FAM135B: variants seen among roughly 807,000 people sequenced by gnomAD.
FAM135B encodes the protein protein FAM135B.
Under a neutral mutation model 127.7 loss-of-function variants are expected in FAM135B, and 43 were observed. The observed-to-expected ratio is 0.34, with a 90% CI of 0.26 to 0.43. FAM135B has a LOEUF of 0.43. Among genes scored for constraint, FAM135B ranks in the 20% least tolerant of loss-of-function variants. The probability of loss-of-function intolerance (pLI) is 1.00; values close to 1 mark genes in which losing one functional copy is unlikely to be tolerated. For synonymous variants in FAM135B, 670 were observed against 665.1 expected (o/e 1.01, Z -0.11); for missense variants, 1,558 against 1,725.6 (o/e 0.90, Z 1.72).
chr8:138,264,304 G>A (rs914779801), intron 4 of FAM135B, among the ~76,000 whole-genome samples: 1 of 152,204 alleles, frequency 6.6e-6, no homozygotes, highest in Non-Finnish European at 1.5e-5. Flanking sequence ...GGTGAAGGTT[G>A]TGTTGAAGGT....
At chr8:138,351,456 A>T (rs1005851957) in intron 2 of FAM135B, among the ~76,000 whole-genome samples, 6 of 152,200 alleles carry the variant, frequency 3.9e-5, no homozygotes, top group Non-Finnish European at 8.8e-5. Flanking sequence ...GCCAAGGCAC[A>T]TCAGAGATTA....
rs1286608279 is a variant in FAM135B at position 138,488,015 on chromosome 8, A to C, written c.-20+8656T>G. 3.9e-5 allele frequency among the ~76,000 whole-genome samples: 6 copies of C among 151,928 alleles called. No homozygotes were observed. The East Asian group carries it at 5.8e-4, about 15-fold the overall frequency. On this transcript the variant is annotated intron_variant, in intron 1 of 19. Coordinates refer to ENST00000395297, the MANE Select transcript of FAM135B (RefSeq NM_015912.4). ...TGAGACTCTCTCTCAAAAAAAACAAAAAAAAAAGACGCCTGTCAGTGTCAT... is the reference window on the plus strand; with the variant it reads ...TGAGACTCTCTCTCAAAAAAAACAACAAAAAAAGACGCCTGTCAGTGTCAT...
intron 2 of FAM135B, among the ~76,000 whole-genome samples, chr8:138,353,800 A>C (rs1169349562): frequency 3.3e-5 from 5 of 151,996 alleles, no homozygotes; most frequent in African/African-American, 7.2e-5. Flanking sequence ...AGTGTTGTAT[A>C]GTCACTGAGT....
intron 15 of FAM135B, 36 bp from the exon 16 acceptor site, chr8:138,143,145 T>A (rs1817355744): frequency 8.1e-7 from 1 of 1,235,800 alleles, no homozygotes; most frequent in African/African-American, 1.5e-5. Context: ...TTGGGTATGG[T>A]TGTGGCGGGG....
intron 9 of FAM135B, among the ~76,000 whole-genome samples, chr8:138,188,764 C>T (rs187114319): frequency 2.0e-5 from 3 of 152,246 alleles, no homozygotes; most frequent in East Asian, 3.9e-4. Flanking sequence ...TTCCATCTAC[C>T]GCCTTTGTGC....
chr8:138,368,117 TC>T, intron 1 of FAM135B, 115 bp from the exon 2 acceptor site: 1 of 690,732 alleles, frequency 1.4e-6, no homozygotes, highest in Non-Finnish European at 2.5e-6. Flanking sequence ...GTAGCGTGTG[TC>T]CACTGAACGT....
chr8:138,214,563 A>T (rs1818401172), intron 7 of FAM135B, among the ~76,000 whole-genome samples: 1 of 152,202 alleles, frequency 6.6e-6, no homozygotes, highest in Non-Finnish European at 1.5e-5. Context: ...TTGCAGCACA[A>T]ATAAAGATGT....
intron 3 of FAM135B, among the ~76,000 whole-genome samples, chr8:138,282,437 T>C (rs74802546): frequency 0.012 from 1,784 of 152,282 alleles, 39 homozygotes; most frequent in African/African-American, 0.04. Flanking sequence ...TATTTGATAA[T>C]GGAATGTTAT....
intron 1 of FAM135B, among the ~76,000 whole-genome samples, chr8:138,372,409 T>A (rs1831191692): frequency 6.6e-6 from 1 of 152,192 alleles, no homozygotes; most frequent in African/African-American, 2.4e-5. Flanking sequence ...CTGAAGCCTA[T>A]GTCTAGAGAT....
chr8:138,173,654 G>A (rs1192590662), intron 11 of FAM135B, among the ~76,000 whole-genome samples: 1 of 152,142 alleles, frequency 6.6e-6, no homozygotes, highest in Non-Finnish European at 1.5e-5. Flanking sequence ...ATTGGCACCA[G>A]GTAAAATGCC....
chr8:138,489,252 C>T (rs1815111737), intron 1 of FAM135B, among the ~76,000 whole-genome samples: 1 of 152,198 alleles, frequency 6.6e-6, no homozygotes, highest in South Asian at 2.1e-4. Flanking sequence ...TCCCCTGTGT[C>T]CCCAGGCCAG....
intron 7 of FAM135B, among the ~76,000 whole-genome samples, chr8:138,230,007 C>A (rs921485792): frequency 6.6e-6 from 1 of 152,146 alleles, no homozygotes; most frequent in African/African-American, 2.4e-5. Context: ...AACCATAGAA[C>A]CTTCCAAAGG....
At chr8:138,467,060 C>T (rs1837417004) in intron 1 of FAM135B, among the ~76,000 whole-genome samples, 1 of 152,156 alleles carries the variant, frequency 6.6e-6, no homozygotes, top group Admixed American at 6.5e-5. Context: ...CTCAAAAAAA[C>T]AAACTCCGAA....
intron 12 of FAM135B, among the ~76,000 whole-genome samples, chr8:138,164,061 G>A (rs1344111893): frequency 1.3e-5 from 2 of 152,174 alleles, no homozygotes; most frequent in Non-Finnish European, 2.9e-5. Flanking sequence ...TAGAAGAATG[G>A]AATATAATTG....
At chr8:138,140,607 C>T (rs892465156) in intron 17 of FAM135B, among the ~76,000 whole-genome samples, 10 of 151,882 alleles carry the variant, frequency 6.6e-5, no homozygotes, top group Admixed American at 1.3e-4. Context: ...TGTTAGTCAA[C>T]CTTATTTCCT....
At chr8:138,206,177 AGG>A (rs1270009711) in intron 7 of FAM135B, among the ~76,000 whole-genome samples, 24 of 144,548 alleles carry the variant, frequency 1.7e-4, no homozygotes, top group African/African-American at 5.3e-4. Context: ...CACCTCTGCA[AGG>A]CTCCAGCATC....
At chr8:138,246,110 A>G (rs1821261458) in intron 6 of FAM135B, among the ~76,000 whole-genome samples, 1 of 152,182 alleles carries the variant, frequency 6.6e-6, no homozygotes, top group African/African-American at 2.4e-5. Flanking sequence ...CTAAGCAGCA[A>G]AGCTTTCAAG....
At chr8:138,408,841 G>C (rs1589227) in intron 1 of FAM135B, among the ~76,000 whole-genome samples, 58,628 of 151,826 alleles carry the variant, frequency 0.39, 11,898 homozygotes, top group African/African-American at 0.52. Context: ...TTGACACGTG[G>C]GGTTACAATC....
chr8:138,464,920 C>T (rs925983011), intron 1 of FAM135B, among the ~76,000 whole-genome samples: 3 of 152,234 alleles, frequency 2.0e-5, no homozygotes, highest in Middle Eastern at 3.4e-3. Flanking sequence ...AAGACTTTTG[C>T]GAATGCAGAA....
Sources: gnomAD v4.1 joint callset for allele counts (sites outside exome capture counted in the v4.1 genomes callset) on GRCh38, gnomAD v4.1.1 for gene constraint, MANE v1.5 for transcripts, NCBI Gene and HGNC (gene_info 2026-07-23, HGNC 2026-07-21) for gene names.